Variants in ROR1 observed in about 807,000 individuals in gnomAD.
ROR1 encodes ROR family WNT receptor 1, also known as inactive tyrosine-protein kinase transmembrane receptor ROR1.
A neutral mutation model predicts 78.8 loss-of-function variants in ROR1; 19 were observed. The ratio of observed to expected loss-of-function variants is 0.24; its 90% CI spans 0.17 to 0.35. The LOEUF (loss-of-function observed/expected upper bound fraction) is 0.35, where lower values mean the gene tolerates loss of function less well. ROR1 is among the 10% of genes least tolerant of loss of function. The pLI is 1.00. For synonymous variants in ROR1, 386 were observed against 433.6 expected, an observed-to-expected ratio of 0.89 and a Z score of 1.36; for missense variants, 917 against 1,177.8, an observed-to-expected ratio of 0.78 and a Z score of 3.24.
chr1:64,067,221 A>G (rs906505869), intron 4 of ROR1, among the ~76,000 whole-genome samples: 1 of 151,952 alleles, frequency 6.6e-6, no homozygotes, highest in African/African-American at 2.4e-5. Context: ...ATGGTGGCAC[A>G]TGCCCGTAGT....
chr1:63,925,635 G>A (rs1454948098), intron 1 of ROR1, among the ~76,000 whole-genome samples: 1 of 151,598 alleles, frequency 6.6e-6, no homozygotes, highest in Non-Finnish European at 1.5e-5. Flanking sequence ...CACCAACAGT[G>A]TAAAAGTTTT....
rs1042363365 is a variant in ROR1, at chr1:63,777,128, C to T, written c.91+2620C>T. On this transcript the variant is annotated intron_variant, in intron 1 of 8. Transcript: ENST00000371079. ...TACCCCCTCCCTATGCAAAGCTCAA[C>T]TTCTTTAGGAACCTGAAGCTTACCT... Among the ~76,000 whole-genome samples, 8 of 152,284 alleles carry T rather than the reference C, an allele frequency of 5.3e-5. No homozygotes were observed. The Middle Eastern group carries it at 0.014, about 259-fold the overall frequency.
At chr1:64,096,695 T>C (rs2477104) in intron 4 of ROR1, among the ~76,000 whole-genome samples, 93,199 of 151,958 alleles carry the variant, frequency 0.61, 29,969 homozygotes, top group African/African-American at 0.81. Flanking sequence ...AATAGTGCTG[T>C]AATGAACATA....
At chr1:63,826,243 C>G (rs1569777474) in intron 1 of ROR1, among the ~76,000 whole-genome samples, 2 of 152,124 alleles carry the variant, frequency 1.3e-5, no homozygotes, top group South Asian at 4.1e-4. Flanking sequence ...TCTCCTTCCT[C>G]CCACCCTCCA....
chr1:64,066,256 C>G (rs1014066713), intron 4 of ROR1, among the ~76,000 whole-genome samples: 2 of 151,874 alleles, frequency 1.3e-5, no homozygotes, highest in Non-Finnish European at 2.9e-5. Flanking sequence ...ATCTGTGTCT[C>G]TAGAGCAGCA....
chr1:63,898,226 T>C (rs567151275), intron 1 of ROR1, among the ~76,000 whole-genome samples: 16 of 152,216 alleles, frequency 1.1e-4, no homozygotes, highest in Non-Finnish European at 2.1e-4. Context: ...TGTGAGCTCC[T>C]TGGGGTCAAA....
At chr1:63,867,024 G>A (rs1262942599) in intron 1 of ROR1, among the ~76,000 whole-genome samples, 1 of 152,144 alleles carries the variant, frequency 6.6e-6, no homozygotes, top group Non-Finnish European at 1.5e-5. Context: ...TAGCTACAGT[G>A]TTTGTACAGC....
At chr1:63,803,514 C>A (rs612702) in intron 1 of ROR1, among the ~76,000 whole-genome samples, 6 of 151,912 alleles carry the variant, frequency 3.9e-5, no homozygotes, top group Non-Finnish European at 8.8e-5. Flanking sequence ...CCGCCTAATT[C>A]TTAATATTTT....
chr1:63,802,882 A>G (rs1644805285), intron 1 of ROR1, among the ~76,000 whole-genome samples: 2 of 152,236 alleles, frequency 1.3e-5, no homozygotes, highest in Non-Finnish European at 2.9e-5. Flanking sequence ...TCCTTTGGGC[A>G]CATTACAAAA....
rs531020441 is a variant in ROR1, at chr1:64,149,875, G to A, written c.1174+7225G>A. On this transcript the variant is annotated intron_variant, in intron 7 of 8. Coordinates refer to ENST00000371079, the MANE Select transcript of ROR1 (RefSeq NM_005012.4). ...TGCTTTTCTATGCAGCTCTGGGGGT[G>A]TAGCTGTGGAAACTGTCAATACCTC... is the stretch of plus-strand genomic sequence containing the variant. Among the ~76,000 whole-genome samples the A allele has an allele frequency of 5.3e-5, 8 of 152,272 alleles. No homozygotes were observed. The South Asian group carries it at 1.2e-3, about 24-fold the overall frequency.
At chr1:63,839,394 A>G (rs995886456) in intron 1 of ROR1, among the ~76,000 whole-genome samples, 5 of 147,044 alleles carry the variant, frequency 3.4e-5, no homozygotes, top group Admixed American at 6.8e-5. Flanking sequence ...CTATCTATCT[A>G]TCTATCTAAT....
At chr1:63,963,136 C>T (rs148884915) in intron 1 of ROR1, among the ~76,000 whole-genome samples, 2,019 of 152,234 alleles carry the variant, frequency 0.013, 53 homozygotes, top group African/African-American at 0.047. Flanking sequence ...GTATCTGATA[C>T]CTAGTAAGGT....
chr1:63,804,584 G>A (rs909720551), intron 1 of ROR1, among the ~76,000 whole-genome samples: 2 of 152,178 alleles, frequency 1.3e-5, no homozygotes, highest in African/African-American at 4.8e-5. Flanking sequence ...GTGGACATCT[G>A]TTCAGGGACC....
chr1:63,835,016 A>G (rs868310555), intron 1 of ROR1, among the ~76,000 whole-genome samples: 5 of 151,996 alleles, frequency 3.3e-5, no homozygotes, highest in Admixed American at 6.6e-5. Flanking sequence ...CTTGAGCCCT[A>G]TTTACCTGTT....
At chr1:63,827,815 C>A (rs758952457) in intron 1 of ROR1, among the ~76,000 whole-genome samples, 24 of 152,162 alleles carry the variant, frequency 1.6e-4, no homozygotes, top group Non-Finnish European at 3.4e-4. Flanking sequence ...TTCTCCATTT[C>A]CAGCCAAGTT....
intron 1 of ROR1, among the ~76,000 whole-genome samples, chr1:63,880,438 C>G (rs79264639): frequency 0.019 from 2,929 of 152,236 alleles, 51 homozygotes; most frequent in Non-Finnish European, 0.031. Flanking sequence ...AGTCTTCATA[C>G]AAGGAGAGAG....
At chr1:63,900,759 A>G (rs1010816544) in intron 1 of ROR1, among the ~76,000 whole-genome samples, 11 of 152,168 alleles carry the variant, frequency 7.2e-5, no homozygotes, top group East Asian at 1.9e-4. Flanking sequence ...TATGCATTAT[A>G]TATTAATTTA....
At chr1:63,971,840 A>G (rs1384391000) in intron 1 of ROR1, among the ~76,000 whole-genome samples, 2 of 152,160 alleles carry the variant, frequency 1.3e-5, no homozygotes, top group Non-Finnish European at 2.9e-5. Context: ...TCAGCAGATG[A>G]TAAAGCCCTT....
intron 1 of ROR1, among the ~76,000 whole-genome samples, chr1:63,825,939 G>A (rs528258414): frequency 6.6e-6 from 1 of 152,098 alleles, no homozygotes; most frequent in Admixed American, 6.6e-5. Context: ...GTGGACCTCA[G>A]TTCCCTCATC....
Sources: allele counts gnomAD v4.1 joint callset (sites outside exome capture counted in the v4.1 genomes callset), GRCh38; gene constraint gnomAD v4.1.1; transcripts MANE v1.5; gene names NCBI Gene and HGNC (gene_info 2026-07-23, HGNC 2026-07-21).